GALNT18: variants seen among roughly 807,000 people sequenced by gnomAD.
GALNT18 encodes the protein polypeptide N-acetylgalactosaminyltransferase 18, also known as GalNAc-transferase 18.
In GALNT18, 44 loss-of-function variants were observed where a neutral mutation model predicts 69.5. That is an observed-to-expected ratio of 0.63 (90% CI 0.50 to 0.81). GALNT18 has a LOEUF of 0.81. GALNT18 is among the 40% of genes least tolerant of loss of function. The pLI is 0.00. For missense variants in GALNT18, 715 were observed against 810.0 expected, an observed-to-expected ratio of 0.88 and a Z score of 1.42; for synonymous variants, 364 against 318.2, an observed-to-expected ratio of 1.14 and a Z score of -1.53.
At position 11,601,441 on chromosome 11, in the gene GALNT18, G is replaced by A. The variant is rs1273716041; in HGVS notation, c.235+19918C>T. Among the ~76,000 whole-genome samples, 2 of 152,194 alleles carry A rather than the reference G, an allele frequency of 1.3e-5. No individual in the cohort carries two copies. Among genetic ancestry groups the A allele is most frequent in the African/African-American group, 2.4e-5 (1 of 41,442 alleles). Reference sequence around the variant, plus strand: ...ACCCCCTAGGATGACAGTGATTTTAGCAGAGCTCCTTTTAACTGTCTCTAT... The same window carrying A: ...ACCCCCTAGGATGACAGTGATTTTAACAGAGCTCCTTTTAACTGTCTCTAT... On this transcript the variant is annotated intron_variant, in intron 1 of 10. Coordinates refer to ENST00000227756, the MANE Select transcript of GALNT18 (RefSeq NM_198516.3). This position sits in a 1 kb window ranked among gnomAD's most constrained non-coding sequence, Gnocchi z 4.0.
intron 9 of GALNT18, among the ~76,000 whole-genome samples, chr11:11,316,140 T>A (rs1849748980): frequency 6.6e-6 from 1 of 151,882 alleles, no homozygotes; most frequent in Admixed American, 6.6e-5. Flanking sequence ...CTGGTTGGGG[T>A]TCCCCAATAC....
At chr11:11,353,025 T>A in intron 6 of GALNT18, 8 of 1,614,230 alleles carry the variant, frequency 5.0e-6, no homozygotes, top group Non-Finnish European at 6.8e-6. Flanking sequence ...ATTTCCCCAT[T>A]CCACCACATG....
Position 11,271,078 on chromosome 11 carries a change from C to T in GALNT18, c.*66G>A. 1.3e-6 allele frequency: 2 copies of T among 1,504,906 alleles called. No individual in the cohort carries two copies. Among genetic ancestry groups the T allele is most frequent in the Non-Finnish European group, 1.8e-6 (2 of 1,102,438 alleles). 93.2% of individuals were successfully genotyped at this position (1,504,906 alleles called of 1,614,324 possible). A position where few individuals can be genotyped will look rare whatever the true frequency, so the allele number is the denominator to read the frequency against. Reference sequence around the variant, plus strand: ...CAGACTCCAAACAACCCCACGTGGACAGCAGGCAACGTTGCAGCAGGTGCT... The same window carrying T: ...CAGACTCCAAACAACCCCACGTGGATAGCAGGCAACGTTGCAGCAGGTGCT... On this transcript the variant is annotated 3_prime_UTR_variant, in exon 11 of 11. Coordinates refer to ENST00000227756, the MANE Select transcript of GALNT18 (RefSeq NM_198516.3).
Position 11,366,607 on chromosome 11 carries a change from G to A in GALNT18, c.1092+5908C>T, listed in dbSNP as rs117144297. ...GGCTTGCCTTCAGCATTTGATTGCT[G>A]TGAGCAATAAATAGGATAATTGTAG... is the stretch of plus-strand genomic sequence containing the variant. On this transcript the variant is annotated intron_variant, in intron 6 of 10. Coordinates refer to ENST00000227756, the MANE Select transcript of GALNT18 (RefSeq NM_198516.3). 8.7e-3 allele frequency among the ~76,000 whole-genome samples: 1,323 copies of A among 152,318 alleles called. 31 individuals are homozygous for A. Among genetic ancestry groups the A allele is most frequent in the East Asian group, 0.039 (204 of 5,180 alleles).
At chr11:11,518,078 T>C (rs1042984773) in intron 1 of GALNT18, among the ~76,000 whole-genome samples, 1 of 152,136 alleles carries the variant, frequency 6.6e-6, no homozygotes, top group Admixed American at 6.5e-5. Context: ...GCCCTAAAGA[T>C]ACCAGCAGAA....
At chr11:11,292,927 TCCTTCC>T (rs1445509802) in intron 10 of GALNT18, 96 bp downstream of exon 10, 7 of 1,108,994 alleles carry the variant, frequency 6.3e-6, no homozygotes, top group Admixed American at 3.1e-5. Flanking sequence ...AGTCTGTCTC[TCCTTCC>T]CCTTCCCCTC....
At position 11,271,113 on chromosome 11, in the gene GALNT18, C is replaced by A; in HGVS notation, c.*31G>T. The A allele has an allele frequency of 6.3e-7, 1 of 1,599,472 alleles. No individual in the cohort carries two copies. The highest frequency in any genetic ancestry group is 8.6e-7 in the Non-Finnish European group (1 of 1,169,334). On this transcript the variant is annotated 3_prime_UTR_variant, in exon 11 of 11. Transcript: ENST00000227756. ...CGTTGCAGCAGGTGCTACACAGTAG[C>A]AAAGAGGCAGCCGGAAGTGGCCCCG...
In GALNT18 at chr11:11,314,044, TC is replaced by T. The variant is rs1360770526; in HGVS notation, c.1512+13041del. ...CCCCCATTTTACTGATCAGGGAGGC[TC>T]AGTGAGGTAATGTGACTTGGCAGAG... On this transcript the variant is annotated intron_variant, in intron 9 of 10. Transcript: ENST00000227756. This position sits in a 1 kb window ranked among gnomAD's most constrained non-coding sequence, Gnocchi z 5.2. 6.6e-6 allele frequency among the ~76,000 whole-genome samples: 1 copy of T among 152,172 alleles called. No homozygotes were observed. Among genetic ancestry groups the T allele is most frequent in the Non-Finnish European group, 1.5e-5 (1 of 68,034 alleles).
chr11:11,558,384 A>G (rs962795380), intron 1 of GALNT18, among the ~76,000 whole-genome samples: 4 of 152,244 alleles, frequency 2.6e-5, no homozygotes, highest in Admixed American at 1.3e-4. Flanking sequence ...AAAAATGGCT[A>G]AAGTCCTACT....
intron 1 of GALNT18, among the ~76,000 whole-genome samples, chr11:11,566,978 G>T (rs1858670291): frequency 6.6e-6 from 1 of 152,146 alleles, no homozygotes; most frequent in Admixed American, 6.5e-5. Context: ...CCTGGATCCT[G>T]CTTAGGCCTC....
intron 10 of GALNT18, among the ~76,000 whole-genome samples, chr11:11,272,230 T>C (rs1848842854): frequency 2.0e-5 from 3 of 152,228 alleles, no homozygotes; most frequent in African/African-American, 7.2e-5. Context: ...TTTTCATTTA[T>C]CTATCCTTTC....
At chr11:11,355,834 C>T (rs796616224) in intron 6 of GALNT18, among the ~76,000 whole-genome samples, 1 of 152,234 alleles carries the variant, frequency 6.6e-6, no homozygotes, top group African/African-American at 2.4e-5. Context: ...AGACCAGAGC[C>T]CTGTCTCTTG....
Position 11,600,057 on chromosome 11 carries a change from CCAT to C in GALNT18, c.235+21299_235+21301del, listed in dbSNP as rs149343820. ...GTCCTATATAATTCTATTCCCTCCTCCATATTTTTGTGCTTCCTGTTAATATAT... is the reference window on the plus strand; with the variant it reads ...GTCCTATATAATTCTATTCCCTCCTCATTTTTGTGCTTCCTGTTAATATAT... On this transcript the variant is annotated intron_variant, in intron 1 of 10. Transcript: ENST00000227756. The surrounding 1 kb of genome is among the most constrained non-coding windows in gnomAD (Gnocchi z 4.8). 8.4e-3 allele frequency among the ~76,000 whole-genome samples: 1,276 copies of C among 152,184 alleles called. 19 individuals are homozygous for C. The highest frequency in any genetic ancestry group is 0.029 in the African/African-American group (1,206 of 41,560).
chr11:11,360,280 A>G (rs927328773), intron 6 of GALNT18, among the ~76,000 whole-genome samples: 4 of 152,034 alleles, frequency 2.6e-5, no homozygotes, highest in African/African-American at 9.7e-5. Flanking sequence ...GTGAAGCCCC[A>G]CCTAACTTCC....
At chr11:11,433,646 C>G (rs1241169578) in intron 2 of GALNT18, among the ~76,000 whole-genome samples, 1 of 152,222 alleles carries the variant, frequency 6.6e-6, no homozygotes, top group Admixed American at 6.5e-5. Flanking sequence ...GAGGAACACA[C>G]AGTTCTGAAA....
At position 11,402,794 on chromosome 11, in the gene GALNT18, T is replaced by A. The variant is rs1289968798; in HGVS notation, c.596-23530A>T. On this transcript the variant is annotated intron_variant, in intron 3 of 10. Coordinates refer to ENST00000227756, the MANE Select transcript of GALNT18 (RefSeq NM_198516.3). This position sits in a 1 kb window ranked among gnomAD's most constrained non-coding sequence, Gnocchi z 4.0. ...CGTCTGCAGGAGGGAAATAGGAAGA[T>A]ATAAAAATACAAATGGCTTCTTGTA... Among the ~76,000 whole-genome samples, 1 of 152,204 alleles carries A rather than the reference T, an allele frequency of 6.6e-6. No homozygotes were observed. The highest frequency in any genetic ancestry group is 1.5e-5 in the Non-Finnish European group (1 of 68,042).
Position 11,432,874 on chromosome 11 carries a change from T to A in GALNT18, c.429-87A>T. 2 of 1,372,328 alleles carry A rather than the reference T, an allele frequency of 1.5e-6. No homozygotes were observed. Among genetic ancestry groups the A allele is most frequent in the Non-Finnish European group, 2.0e-6 (2 of 995,930 alleles). The allele number at this position is 1,372,328 out of a possible 1,614,324, so 85.0% of individuals were successfully genotyped here. On this transcript the variant is annotated intron_variant, in intron 2 of 10. Transcript: ENST00000227756. This position sits in a 1 kb window ranked among gnomAD's most constrained non-coding sequence, Gnocchi z 5.8. ...CCAGCCCATGTCCTGGCTCCAGCTT[T>A]GCTGGAGGGCTCGGGAGTCCAGATT...
intron 6 of GALNT18, among the ~76,000 whole-genome samples, chr11:11,371,112 G>A (rs1311264023): frequency 6.6e-6 from 1 of 152,212 alleles, no homozygotes; most frequent in Non-Finnish European, 1.5e-5. Context: ...GAATACAGAT[G>A]TCTGGAAGTG....
intron 10 of GALNT18, among the ~76,000 whole-genome samples, chr11:11,282,124 A>C (rs1262090332): frequency 1.3e-5 from 2 of 152,200 alleles, no homozygotes; most frequent in Non-Finnish European, 2.9e-5. Flanking sequence ...GGCCACCAGC[A>C]CTGTCTTCCT....
Sources: gnomAD v4.1 joint callset for allele counts (sites outside exome capture counted in the v4.1 genomes callset) on GRCh38, gnomAD v4.1.1 for gene constraint, Gnocchi (gnomAD v3.1) non-coding constraint, MANE v1.5 for transcripts, NCBI Gene and HGNC (gene_info 2026-07-23, HGNC 2026-07-21) for gene names.